The following AGBL1 variants were observed in gnomAD, a reference collection of about 807,000 sequenced individuals.
AGBL1 encodes the protein AGBL carboxypeptidase 1.
Under a neutral mutation model 118.9 loss-of-function variants are expected in AGBL1, and 130 were observed. The ratio of observed to expected loss-of-function variants is 1.09; its 90% CI spans 0.95 to 1.26. AGBL1 has a LOEUF of 1.26. AGBL1 is among the 50% of genes most tolerant of loss of function. The probability of loss-of-function intolerance (pLI) is 0.00; values close to 1 mark genes in which losing one functional copy is unlikely to be tolerated. For missense variants in AGBL1, 1,584 were observed against 1,298.1 expected (o/e 1.22, Z -3.38); for synonymous variants, 555 against 478.9 (o/e 1.16, Z -2.08).
At chr15:86,293,957 G>A (rs890041489) in intron 16 of AGBL1, among the ~76,000 whole-genome samples, 1 of 152,038 alleles carries the variant, frequency 6.6e-6, no homozygotes, top group Non-Finnish European at 1.5e-5. Context: ...TGGTGTTTTT[G>A]TGCTACAGAG....
intron 17 of AGBL1, among the ~76,000 whole-genome samples, chr15:86,336,972 C>A: frequency 6.6e-6 from 1 of 151,390 alleles, no homozygotes; most frequent in Non-Finnish European, 1.5e-5. Flanking sequence ...GAAGGGGCCA[C>A]AAGACTCTGT....
At chr15:86,681,327 G>C (rs2085952002) in intron 22 of AGBL1, among the ~76,000 whole-genome samples, 1 of 152,058 alleles carries the variant, frequency 6.6e-6, no homozygotes, top group African/African-American at 2.4e-5. Context: ...CATCTTTCAT[G>C]AGTTTCCTTT....
At chr15:86,881,561 A>G (rs2079891894) in intron 22 of AGBL1, among the ~76,000 whole-genome samples, 1 of 152,106 alleles carries the variant, frequency 6.6e-6, no homozygotes, top group Non-Finnish European at 1.5e-5. Flanking sequence ...TTACTGTATT[A>G]CTCTGTCTTG....
rs1567242735 is a variant in AGBL1, at chr15:86,925,117, GA to G, written c.3222-62868del. Among the ~76,000 whole-genome samples the G allele has an allele frequency of 3.5e-3, 246 of 69,464 alleles. 3 individuals are homozygous for G. Among genetic ancestry groups the G allele is most frequent in the East Asian group, 0.013 (27 of 2,038 alleles). 45.6% of individuals were successfully genotyped at this position (69,464 alleles called of 152,430 possible). A position where few individuals can be genotyped will look rare whatever the true frequency, so the allele number is the denominator to read the frequency against. ...ACTCTGTCAAGAAGAAGAAGAAGAA[GA>G]AGAAGAAGAGGAAGAGGAAGAGGAA... On this transcript the variant is annotated intron_variant, in intron 23 of 24. Coordinates refer to the AGBL1 transcript ENST00000441037.
In AGBL1 at chr15:86,613,886, C is replaced by A. The variant is rs965996119; in HGVS notation, c.2994+59349C>A. On this transcript the variant is annotated intron_variant, in intron 21 of 22. Coordinates refer to ENST00000614907, the MANE Select transcript of AGBL1 (RefSeq NM_001386094.1). The surrounding 1 kb of genome is among the most constrained non-coding windows in gnomAD (Gnocchi z 4.2). ...GTTTGAGAAGTCCTGAGTGAAAAGA[C>A]CAATCTCTAGGGATGTTATTCAAAG... Among the ~76,000 whole-genome samples the A allele has an allele frequency of 6.6e-6, 1 of 152,274 alleles. No individual in the cohort carries two copies. The highest frequency in any genetic ancestry group is 1.9e-4 in the East Asian group (1 of 5,174).
rs531127867 is a variant in AGBL1, at chr15:86,644,361, G to A, written c.2995-29912G>A. Among the ~76,000 whole-genome samples, 8 of 152,150 alleles carry A rather than the reference G, an allele frequency of 5.3e-5. No homozygotes were observed. In the East Asian group the frequency reaches 9.7e-4, roughly 18 times the overall value. ...AGCCTGGCAAACATGGCAAGAGCCCGTCTCTACAAAATAAGAAAAAAATTG... is the reference window on the plus strand; with the variant it reads ...AGCCTGGCAAACATGGCAAGAGCCCATCTCTACAAAATAAGAAAAAAATTG... On this transcript the variant is annotated intron_variant, in intron 21 of 22. Coordinates refer to ENST00000614907, the MANE Select transcript of AGBL1 (RefSeq NM_001386094.1).
intron 22 of AGBL1, among the ~76,000 whole-genome samples, chr15:86,902,308 G>C (rs963380443): frequency 5.3e-5 from 8 of 152,030 alleles, no homozygotes; most frequent in Non-Finnish European, 1.2e-4. Context: ...TCTTTTTATA[G>C]GTGGGCAGTG....
chr15:86,811,983 C>G (rs1434677688), intron 22 of AGBL1, among the ~76,000 whole-genome samples: 10 of 152,190 alleles, frequency 6.6e-5, no homozygotes, highest in Admixed American at 6.5e-4. Context: ...CTATCTCACT[C>G]ACTTTTCAGA....
At chr15:86,943,845 C>T (rs958638996) in intron 23 of AGBL1, among the ~76,000 whole-genome samples, 1 of 152,188 alleles carries the variant, frequency 6.6e-6, no homozygotes, top group African/African-American at 2.4e-5. Context: ...CTCTTACCCT[C>T]GCTGTCTGCC....
At chr15:86,359,710 A>C (rs1180534797) in intron 17 of AGBL1, among the ~76,000 whole-genome samples, 1 of 151,736 alleles carries the variant, frequency 6.6e-6, no homozygotes, top group Admixed American at 6.6e-5. Flanking sequence ...ATCTTCCTTA[A>C]TTTCCTTCAC....
At chr15:86,581,864 A>G (rs1326713508) in intron 21 of AGBL1, among the ~76,000 whole-genome samples, 3 of 152,196 alleles carry the variant, frequency 2.0e-5, no homozygotes, top group Admixed American at 6.5e-5. Flanking sequence ...CTCTTCATCA[A>G]GGACATGGGA....
At chr15:86,995,488 C>G (rs1444594913) in intron 24 of AGBL1, among the ~76,000 whole-genome samples, 1 of 152,120 alleles carries the variant, frequency 6.6e-6, no homozygotes, top group South Asian at 2.1e-4. Context: ...CAAATAGATA[C>G]AATTCTATGC....
chr15:86,459,605 T>C (rs2082304777), intron 18 of AGBL1, among the ~76,000 whole-genome samples: 1 of 152,168 alleles, frequency 6.6e-6, no homozygotes, highest in Non-Finnish European at 1.5e-5. Flanking sequence ...GATTCTGTTA[T>C]ATGATTTTAT....
chr15:86,200,667 A>C (rs1346203780), intron 5 of AGBL1, among the ~76,000 whole-genome samples: 2 of 146,738 alleles, frequency 1.4e-5, no homozygotes, highest in Non-Finnish European at 3.0e-5. Context: ...CCCAGGCTGG[A>C]GTGCAATGGC....
chr15:86,479,172 G>A (rs781777132), intron 18 of AGBL1, among the ~76,000 whole-genome samples: 3 of 152,118 alleles, frequency 2.0e-5, no homozygotes, highest in Non-Finnish European at 4.4e-5. Context: ...ATAGGCATGG[G>A]CAAGGACTTC....
chr15:86,907,968 A>C lies in AGBL1; in HGVS notation c.*674A>C, dbSNP rs1427215493. ...TGATCTTCACAGATTTTAAGATCCT[A>C]TGTATTCAGATCACCAAACATAATG... On this transcript the variant is annotated 3_prime_UTR_variant, in exon 23 of 23. Transcript: ENST00000614907. The C allele has an allele frequency of 6.6e-6, 1 of 152,194 alleles. No individual in the cohort carries two copies. The allele number at this position is 152,194 out of a possible 1,614,324, so 9.4% of individuals were successfully genotyped here. A position where few individuals can be genotyped will look rare whatever the true frequency, so the allele number is the denominator to read the frequency against.
At chr15:86,782,153 T>C (rs1406924656) in intron 22 of AGBL1, among the ~76,000 whole-genome samples, 2 of 152,152 alleles carry the variant, frequency 1.3e-5, no homozygotes, top group African/African-American at 2.4e-5. Flanking sequence ...GTTATTTCTG[T>C]ATTACGTTTT....
chr15:86,417,855 T>C (rs1200028496), intron 18 of AGBL1, among the ~76,000 whole-genome samples: 1 of 152,230 alleles, frequency 6.6e-6, no homozygotes, highest in Non-Finnish European at 1.5e-5. Flanking sequence ...TTGCTATTCA[T>C]GAAGCCTGAA....
In AGBL1 at chr15:86,875,584, C is replaced by A. The variant is rs1370554366; in HGVS notation, c.3159-31503C>A. 5.3e-5 allele frequency among the ~76,000 whole-genome samples: 8 copies of A among 152,258 alleles called. No individual in the cohort carries two copies. The East Asian group carries it at 5.8e-4, about 11-fold the overall frequency. ...AGCTATAGCCATAATATTAAAGATA[C>A]AATGTTAGCACAGCACTGACACATA... is the stretch of plus-strand genomic sequence containing the variant. On this transcript the variant is annotated intron_variant, in intron 22 of 22. Coordinates refer to ENST00000614907, the MANE Select transcript of AGBL1 (RefSeq NM_001386094.1).
Sources: gnomAD v4.1 joint callset for allele counts (sites outside exome capture counted in the v4.1 genomes callset) on GRCh38, gnomAD v4.1.1 for gene constraint, Gnocchi (gnomAD v3.1) non-coding constraint, MANE v1.5 for transcripts, NCBI Gene and HGNC (gene_info 2026-07-23, HGNC 2026-07-21) for gene names.